Variants in CPED1 observed in about 807,000 individuals in gnomAD.
The protein encoded by CPED1 is cadherin-like and PC-esterase domain-containing protein 1.
Under a neutral mutation model 128.2 loss-of-function variants are expected in CPED1, and 114 were observed. The ratio of observed to expected loss-of-function variants is 0.89; its 90% CI spans 0.76 to 1.04. CPED1 has a LOEUF of 1.04. CPED1 is among the 50% of genes least tolerant of loss of function. The pLI is 0.00. For synonymous variants in CPED1, 462 were observed against 426.7 expected, an observed-to-expected ratio of 1.08 and a Z score of -1.02; for missense variants, 1,211 against 1,207.1, an observed-to-expected ratio of 1.00 and a Z score of -0.05.
At chr7:121,010,455 G>A (rs534674654) in intron 2 of CPED1, among the ~76,000 whole-genome samples, 16 of 152,210 alleles carry the variant, frequency 1.1e-4, no homozygotes, top group African/African-American at 3.4e-4. Flanking sequence ...CACCACATTG[G>A]CCAGGCTGGT....
chr7:121,036,103 G>A (rs1190228438), intron 3 of CPED1, among the ~76,000 whole-genome samples: 3 of 152,062 alleles, frequency 2.0e-5, no homozygotes, highest in African/African-American at 7.2e-5. Flanking sequence ...GAAAGGTAGG[G>A]ATTTGAGGGG....
intron 3 of CPED1, among the ~76,000 whole-genome samples, chr7:121,019,300 G>C (rs572656914): frequency 1.3e-5 from 2 of 152,116 alleles, no homozygotes; most frequent in East Asian, 3.9e-4. Context: ...TCTTTTATCT[G>C]TTAAAGGCAT....
intron 3 of CPED1, among the ~76,000 whole-genome samples, chr7:121,042,129 TAA>T (rs10615785): frequency 0.43 from 65,093 of 150,046 alleles, 15,916 homozygotes; most frequent in Middle Eastern, 0.58. Flanking sequence ...TTTTAATTGT[TAA>T]AAAAAAAAAA....
chr7:121,273,922 C>T (rs1432818083), intron 22 of CPED1, among the ~76,000 whole-genome samples: 1 of 152,140 alleles, frequency 6.6e-6, no homozygotes, highest in Non-Finnish European at 1.5e-5. Flanking sequence ...AGGATCACAG[C>T]TGGCTAAAAA....
chr7:121,025,883 A>T (rs549558446), intron 3 of CPED1, among the ~76,000 whole-genome samples: 1 of 152,256 alleles, frequency 6.6e-6, no homozygotes, highest in South Asian at 2.1e-4. Context: ...TTGTCCAGGT[A>T]CCTGATAGAT....
chr7:121,170,446 A>G (rs1416338570), intron 16 of CPED1, among the ~76,000 whole-genome samples: 1 of 152,068 alleles, frequency 6.6e-6, no homozygotes, highest in Non-Finnish European at 1.5e-5. Flanking sequence ...ATTCACTACA[A>G]ATTTTACTTG....
In CPED1 at chr7:120,998,115, C is replaced by T. The variant is rs532599945; in HGVS notation, c.249+8245C>T. Among the ~76,000 whole-genome samples the T allele has an allele frequency of 3.9e-5, 6 of 152,096 alleles. No homozygotes were observed. In the East Asian group the frequency reaches 9.7e-4, roughly 24 times the overall value. ...AGATTGCGGCAAACCCCCGGAAACT[C>T]GACAGTCAAGGAAGGATTCCACCAC... On this transcript the variant is annotated intron_variant, in intron 2 of 22. Transcript: ENST00000310396.
Position 121,244,247 on chromosome 7 carries a change from G to A in CPED1, c.2219G>A (p.Cys740Tyr). ...CTTAGTTGTTCGGACAACAGGACGT[G>A]TGACTGGAGAGAAATAACCTGGCAG... ...PCLSCSDNRT[C>Y]DWREITWQPH... is the part of the protein sequence containing the mutation. Residue 740 changes from cysteine (C) to tyrosine (Y), a missense_variant, in exon 18 of 23, where the codon TGT becomes TAT. Transcript: ENST00000310396. 6.2e-7 allele frequency: 1 copy of A among 1,614,190 alleles called. No homozygotes were observed. Among genetic ancestry groups the A allele is most frequent in the Non-Finnish European group, 8.5e-7 (1 of 1,180,012 alleles).
rs1795455921 is a variant in CPED1, at chr7:121,124,458, CA to C, written c.1049del (p.Lys350ArgfsTer13). On this transcript the variant is annotated frameshift_variant, in exon 8 of 23. Transcript: ENST00000310396. LOFTEE classifies it high-confidence loss of function. ...EVFSETSTLG[P>X]KTFHRCRFCF... ...TTCAGTGAAACATCTACTCTGGGAC[CA>C]AAGACCTTCCATAGGTAAAAAACAA... 6.6e-7 allele frequency: 1 copy of C among 1,517,482 alleles called. No homozygotes were observed. The allele number at this position is 1,517,482 out of a possible 1,614,324, so 94.0% of individuals were successfully genotyped here.
chr7:121,122,893 A>G (rs887135777), intron 7 of CPED1, among the ~76,000 whole-genome samples: 17 of 152,212 alleles, frequency 1.1e-4, no homozygotes, highest in African/African-American at 4.1e-4. Flanking sequence ...CATATGCTAC[A>G]TAGACATTTC....
At chr7:121,197,072 A>G (rs1056206421) in intron 16 of CPED1, among the ~76,000 whole-genome samples, 2 of 151,680 alleles carry the variant, frequency 1.3e-5, no homozygotes, top group African/African-American at 4.8e-5. Context: ...ACAAGTTTCC[A>G]GTTCGTAGAG....
At chr7:121,141,885 A>T in intron 15 of CPED1, 88 bp from the exon 16 acceptor site, 1 of 968,840 alleles carries the variant, frequency 1.0e-6, no homozygotes. Flanking sequence ...TCAAATAGGT[A>T]TTTAGTAAAT....
At chr7:121,268,636 A>C (rs1446204922) in intron 21 of CPED1, among the ~76,000 whole-genome samples, 1 of 119,214 alleles carries the variant, frequency 8.4e-6, no homozygotes, top group African/African-American at 4.8e-5. Flanking sequence ...GCATGTGCAC[A>C]CAAGTGTGTG....
intron 18 of CPED1, among the ~76,000 whole-genome samples, chr7:121,259,065 T>G (rs955839888): frequency 1.3e-5 from 2 of 152,074 alleles, no homozygotes; most frequent in Non-Finnish European, 2.9e-5. Flanking sequence ...AGTAGTAATT[T>G]CTCTCAGCTG....
chr7:121,270,602 A>G (rs567969782), intron 21 of CPED1, among the ~76,000 whole-genome samples: 1 of 152,200 alleles, frequency 6.6e-6, no homozygotes, highest in African/African-American at 2.4e-5. Context: ...TTTTGAATAT[A>G]GAGAGCCAGT....
Position 121,063,381 on chromosome 7 carries a change from G to GAAAAAAAAAA in CPED1, c.541-845_541-836dup, listed in dbSNP as rs368502123. On this transcript the variant is annotated intron_variant, in intron 4 of 22. Transcript: ENST00000310396. ...GCTTTATTTTGCAAATGAAGAAACT[G>GAAAAAAAAAA]AAAAAAAAAAAAAAAAAAAAAGCAA... Among the ~76,000 whole-genome samples, 429 of 66,870 alleles carry GAAAAAAAAAA rather than the reference G, an allele frequency of 6.4e-3. 1 individual carries two copies. Among genetic ancestry groups the GAAAAAAAAAA allele is most frequent in the East Asian group, 0.013 (26 of 1,968 alleles). 43.9% of individuals were successfully genotyped at this position (66,870 alleles called of 152,430 possible).
At chr7:121,119,731 T>C (rs146559378) in intron 7 of CPED1, among the ~76,000 whole-genome samples, 2 of 152,072 alleles carry the variant, frequency 1.3e-5, no homozygotes, top group African/African-American at 4.8e-5. Flanking sequence ...GTGTATACTT[T>C]AGTAGCGTTA....
chr7:121,206,335 A>G (rs1211731719), intron 16 of CPED1, among the ~76,000 whole-genome samples: 4 of 152,090 alleles, frequency 2.6e-5, no homozygotes, highest in African/African-American at 9.7e-5. Context: ...TTAATATCAC[A>G]AAAAGTTAAT....
At chr7:121,245,321 T>G (rs1003359349) in intron 18 of CPED1, among the ~76,000 whole-genome samples, 4 of 152,092 alleles carry the variant, frequency 2.6e-5, no homozygotes, top group Non-Finnish European at 5.9e-5. Context: ...TGTTAGTTCC[T>G]TTTTTTAAAA....
Sources: gnomAD v4.1 joint callset for allele counts (sites outside exome capture counted in the v4.1 genomes callset) on GRCh38, gnomAD v4.1.1 for gene constraint, MANE v1.5 for transcripts, NCBI Gene and HGNC (gene_info 2026-07-23, HGNC 2026-07-21) for gene names.